Variants in TRA2A observed in about 807,000 individuals in gnomAD.
The protein encoded by TRA2A is transformer 2 alpha homolog, also known as transformer-2 protein homolog alpha.
A neutral mutation model predicts 45.7 loss-of-function variants in TRA2A; 31 were observed. That is an observed-to-expected ratio of 0.68 (90% CI 0.51 to 0.92). TRA2A has a LOEUF of 0.92. Among genes scored for constraint, TRA2A ranks in the 40% least tolerant of loss-of-function variants. The probability of loss-of-function intolerance (pLI) is 0.00; values close to 1 mark genes in which losing one functional copy is unlikely to be tolerated. For synonymous variants in TRA2A, 132 were observed against 126.2 expected (o/e 1.05, Z -0.31); for missense variants, 304 against 367.5 (o/e 0.83, Z 1.41).
intron 4 of TRA2A, among the ~76,000 whole-genome samples, chr7:23,511,042 A>G (rs2127992383): frequency 6.6e-6 from 1 of 152,112 alleles, no homozygotes; most frequent in East Asian, 1.9e-4. Flanking sequence ...CCTGGCTTCT[A>G]CCCACCAGAT....
At chr7:23,505,867 GATGAAA>G (rs1789311713) in intron 6 of TRA2A, 54 bp from the exon 7 acceptor site, 1 of 1,128,224 alleles carries the variant, frequency 8.9e-7, no homozygotes, top group South Asian at 1.7e-5. Context: ...CACTGAGGCA[GATGAAA>G]ATAAAAATTC....
At chr7:23,515,253 G>A (rs1370218422) in intron 3 of TRA2A, among the ~76,000 whole-genome samples, 5 of 129,190 alleles carry the variant, frequency 3.9e-5, no homozygotes, top group South Asian at 2.4e-4. Flanking sequence ...TTTTTGAGAC[G>A]GAGTCTCGCT....
chr7:23,530,352 G>A (rs1162895024), intron 1 of TRA2A, among the ~76,000 whole-genome samples: 1 of 152,104 alleles, frequency 6.6e-6, no homozygotes, highest in African/African-American at 2.4e-5. Context: ...AACTATTATA[G>A]TCTATTGCTT....
At chr7:23,515,675 A>G (rs1275670983) in intron 3 of TRA2A, among the ~76,000 whole-genome samples, 1 of 151,558 alleles carries the variant, frequency 6.6e-6, no homozygotes, top group African/African-American at 2.4e-5. Context: ...CCTCTCAAGT[A>G]GTTGAGATTA....
chr7:23,507,285 TAGAAGCAGGG>T, intron 5 of TRA2A, 125 bp downstream of exon 5: 1 of 657,554 alleles, frequency 1.5e-6, no homozygotes, highest in Non-Finnish European at 2.6e-6. Context: ...TTTTTTTTAG[TAGAAGCAGGG>T]TTTTGCCATG....
At position 23,531,790 on chromosome 7, in the gene TRA2A, C is replaced by T; in HGVS notation, c.35G>A (p.Arg12Lys). 6.2e-7 allele frequency: 1 copy of T among 1,613,650 alleles called. No homozygotes were observed. The highest frequency in any genetic ancestry group is 8.5e-7 in the Non-Finnish European group (1 of 1,180,032). The part of the protein sequence containing the change: ...SDVEENNFEG[R>K]ESRSQSKSPT... ...CGGCTCCCGCGGCTTTGTACTCACT[C>T]TGCCCTCGAAGTTGTTTTCCTCCAC... The change falls in exon 1 of 8, where the codon AGA becomes AAA. Residue 12 changes from arginine to lysine, a missense_variant and splice_region_variant. This residue lies in a region of TRA2A where 132 missense variants were observed against 113.4 expected (regional missense o/e 1.16). Transcript: ENST00000297071.
At chr7:23,528,947 T>C (rs1454356744) in intron 1 of TRA2A, among the ~76,000 whole-genome samples, 2 of 152,146 alleles carry the variant, frequency 1.3e-5, no homozygotes, top group African/African-American at 2.4e-5. Context: ...TAAATAACTC[T>C]GGAATTACAA....
intron 6 of TRA2A, 35 bp from the exon 7 acceptor site, chr7:23,505,848 TA>T: frequency 7.7e-7 from 1 of 1,297,712 alleles, no homozygotes; most frequent in South Asian, 1.5e-5. Flanking sequence ...GCATACTATA[TA>T]ATCACTCCAC....
intron 3 of TRA2A, 60 bp downstream of exon 3, chr7:23,516,303 G>T: frequency 6.4e-7 from 1 of 1,572,172 alleles, no homozygotes; most frequent in South Asian, 1.1e-5. Flanking sequence ...AGCAAGATAT[G>T]CCATGACTAA....
At chr7:23,514,953 C>CT (rs1789790965) in intron 3 of TRA2A, among the ~76,000 whole-genome samples, 1 of 152,274 alleles carries the variant, frequency 6.6e-6, no homozygotes, top group African/African-American at 2.4e-5. Context: ...TGGTTGAAAC[C>CT]TAGACTGCTA....
At chr7:23,509,613 A>G (rs1789502983) in intron 4 of TRA2A, among the ~76,000 whole-genome samples, 1 of 151,988 alleles carries the variant, frequency 6.6e-6, no homozygotes, top group Non-Finnish European at 1.5e-5. Context: ...GCATGCACCT[A>G]TAGTCCTAGC....
At chr7:23,531,401 C>T (rs949344197) in intron 1 of TRA2A, 1 of 306,580 alleles carries the variant, frequency 3.3e-6, no homozygotes, top group Non-Finnish European at 5.3e-6. Flanking sequence ...GAAATGCCAC[C>T]GCAGGAAGCA....
intron 1 of TRA2A, among the ~76,000 whole-genome samples, chr7:23,528,294 C>G (rs968035372): frequency 6.6e-6 from 1 of 151,818 alleles, no homozygotes; most frequent in African/African-American, 2.4e-5. Context: ...CTGCAACCTC[C>G]GCCTCCCGGG....
At chr7:23,519,132 G>A (rs535334093) in intron 2 of TRA2A, among the ~76,000 whole-genome samples, 105 of 152,146 alleles carry the variant, frequency 6.9e-4, no homozygotes, top group Non-Finnish European at 1.3e-3. Flanking sequence ...GGTGGCTCAC[G>A]CCTGTAATCC....
At chr7:23,518,495 G>C (rs537608691) in intron 2 of TRA2A, among the ~76,000 whole-genome samples, 1 of 151,290 alleles carries the variant, frequency 6.6e-6, no homozygotes, top group South Asian at 2.1e-4. Flanking sequence ...GCACTTGCCA[G>C]CATGCCCAGC....
chr7:23,515,543 C>A lies in TRA2A; in HGVS notation c.336+820G>T, dbSNP rs543613487. Among the ~76,000 whole-genome samples, 3 of 139,508 alleles carry A rather than the reference C, an allele frequency of 2.2e-5. No individual in the cohort carries two copies. The East Asian group carries it at 6.8e-4, about 31-fold the overall frequency. 91.5% of individuals were successfully genotyped at this position (139,508 alleles called of 152,430 possible). On this transcript the variant is annotated intron_variant, in intron 3 of 7. Transcript: ENST00000297071. ...GAACATATTTCTTCCCAAATTTCAT[C>A]TCCTTTTCTTTTTTTGAGACAGAGT...
At chr7:23,507,614 A>AACTT (rs1229379545) in intron 4 of TRA2A, 79 bp from the exon 5 acceptor site, 2 of 1,000,400 alleles carry the variant, frequency 2.0e-6, no homozygotes, top group African/African-American at 3.2e-5. Flanking sequence ...AGCACAAAGT[A>AACTT]TATGTAATCC....
intron 1 of TRA2A, among the ~76,000 whole-genome samples, chr7:23,530,670 C>G (rs539623201): frequency 2.0e-5 from 3 of 152,314 alleles, no homozygotes; most frequent in African/African-American, 7.2e-5. Flanking sequence ...CGTTCCAGTA[C>G]ATTTAAGCTG....
chr7:23,518,063 C>T (rs890887519), intron 2 of TRA2A, among the ~76,000 whole-genome samples: 1 of 151,848 alleles, frequency 6.6e-6, no homozygotes, highest in African/African-American at 2.4e-5. Flanking sequence ...CTCAGCTTCC[C>T]AGACAGCTAG....
Sources: allele counts gnomAD v4.1 joint callset (sites outside exome capture counted in the v4.1 genomes callset), GRCh38; gene constraint gnomAD v4.1.1; regional missense constraint gnomAD v4.1.1; transcripts MANE v1.5; gene names NCBI Gene and HGNC (gene_info 2026-07-23, HGNC 2026-07-21).